LEPR: variants seen among roughly 807,000 people sequenced by gnomAD.
The protein encoded by LEPR is leptin receptor.
Under a neutral mutation model 114.7 loss-of-function variants are expected in LEPR, and 56 were observed. The ratio of observed to expected loss-of-function variants is 0.49; its 90% CI spans 0.39 to 0.61. The LOEUF is 0.61. LEPR is among the 20% of genes least tolerant of loss of function. The pLI is 0.00. For synonymous variants in LEPR, 443 were observed against 461.4 expected, an observed-to-expected ratio of 0.96 and a Z score of 0.51; for missense variants, 1,202 against 1,352.9, an observed-to-expected ratio of 0.89 and a Z score of 1.75.
intron 2 of LEPR, among the ~76,000 whole-genome samples, chr1:65,554,774 G>T (rs1652694088): frequency 6.6e-6 from 1 of 152,026 alleles, no homozygotes; most frequent in Non-Finnish European, 1.5e-5. Flanking sequence ...AAAAACTCCT[G>T]CAACTAGTTT....
At chr1:65,518,707 G>A (rs1383264845) in intron 2 of LEPR, among the ~76,000 whole-genome samples, 4 of 152,064 alleles carry the variant, frequency 2.6e-5, no homozygotes. Context: ...TACAAATTCT[G>A]CTTTCCACAT....
At chr1:65,585,438 T>C (rs1258538072) in intron 5 of LEPR, among the ~76,000 whole-genome samples, 1 of 152,038 alleles carries the variant, frequency 6.6e-6, no homozygotes, top group Non-Finnish European at 1.5e-5. Context: ...GAGGACAGAA[T>C]GTGCTTTCTT....
intron 2 of LEPR, among the ~76,000 whole-genome samples, chr1:65,518,899 T>TTCTTTCTTTCTTTCTTTCTTTC (rs1649450946): frequency 4.0e-5 from 4 of 98,982 alleles, no homozygotes; most frequent in African/African-American, 1.5e-4. Context: ...CTTTCTTTCT[T>TTCTTTCTTTCTTTCTTTCTTTC]TCTTTCTTTC....
At chr1:65,453,560 G>A (rs1390286505) in intron 2 of LEPR, among the ~76,000 whole-genome samples, 1 of 152,106 alleles carries the variant, frequency 6.6e-6, no homozygotes, top group Non-Finnish European at 1.5e-5. Context: ...TCAGGAGCAG[G>A]TTGTTCAGTT....
intron 2 of LEPR, among the ~76,000 whole-genome samples, chr1:65,476,397 G>T (rs1171591154): frequency 6.6e-6 from 1 of 152,050 alleles, no homozygotes; most frequent in Non-Finnish European, 1.5e-5. Context: ...TAAGTGCTGG[G>T]ATAAAGCAGT....
chr1:65,625,537 T>C (rs1412041168), intron 19 of LEPR, among the ~76,000 whole-genome samples: 1 of 152,186 alleles, frequency 6.6e-6, no homozygotes, highest in Non-Finnish European at 1.5e-5. Flanking sequence ...TTTTGTTACA[T>C]GTATATAACA....
intron 2 of LEPR, among the ~76,000 whole-genome samples, chr1:65,552,033 T>C (rs1652417016): frequency 6.6e-6 from 1 of 152,226 alleles, no homozygotes; most frequent in Non-Finnish European, 1.5e-5. Flanking sequence ...AGTTTCTTAA[T>C]CCTCAGTTAT....
At chr1:65,558,537 T>TGAATCAGAA (rs1653025867) in intron 2 of LEPR, among the ~76,000 whole-genome samples, 8 of 24,848 alleles carry the variant, frequency 3.2e-4, no homozygotes, top group South Asian at 1.6e-3. Context: ...TTTTTTTTTT[T>TGAATCAGAA]GTTTTTTTTT....
chr1:65,481,107 T>C (rs1287683953), intron 2 of LEPR, among the ~76,000 whole-genome samples: 1 of 152,214 alleles, frequency 6.6e-6, no homozygotes, highest in Non-Finnish European at 1.5e-5. Flanking sequence ...ACTGCCTTCC[T>C]ACTGTATCCT....
chr1:65,595,770 C>T (rs1394160868), intron 6 of LEPR, among the ~76,000 whole-genome samples: 3 of 152,012 alleles, frequency 2.0e-5, no homozygotes, highest in East Asian at 1.9e-4. Context: ...GAAAATGCAT[C>T]GATTTTCTAT....
At chr1:65,426,013 G>C (rs187169522) in intron 2 of LEPR, among the ~76,000 whole-genome samples, 6 of 152,182 alleles carry the variant, frequency 3.9e-5, no homozygotes, top group African/African-American at 1.4e-4. Flanking sequence ...GTGTTTCAGT[G>C]GGGGAGACGG....
intron 19 of LEPR, chr1:65,634,631 A>G: frequency 1.0e-6 from 1 of 973,456 alleles, no homozygotes. Context: ...ACTGAGTATG[A>G]CATTTTAGCA....
At chr1:65,466,910 C>T (rs1214130873) in intron 2 of LEPR, among the ~76,000 whole-genome samples, 3 of 152,126 alleles carry the variant, frequency 2.0e-5, no homozygotes, top group Non-Finnish European at 4.4e-5. Flanking sequence ...ATTGTTTATT[C>T]TAGTTAGCCA....
intron 2 of LEPR, among the ~76,000 whole-genome samples, chr1:65,547,290 T>A (rs947914876): frequency 6.6e-6 from 1 of 152,176 alleles, no homozygotes; most frequent in Non-Finnish European, 1.5e-5. Flanking sequence ...TGTCTCTGCC[T>A]GGCTTTGGTA....
At chr1:65,515,109 G>T (rs555952746) in intron 2 of LEPR, among the ~76,000 whole-genome samples, 1 of 152,280 alleles carries the variant, frequency 6.6e-6, no homozygotes, top group East Asian at 1.9e-4. Flanking sequence ...TGATGGTGGT[G>T]GGTGATGGTT....
chr1:65,525,865 C>A (rs925246137), intron 2 of LEPR: 2 of 978,452 alleles, frequency 2.0e-6, no homozygotes, highest in Non-Finnish European at 2.4e-6. Flanking sequence ...CACCTCTTCC[C>A]GCTCTGGGTA....
rs1447505829 is a variant in LEPR, at chr1:65,591,796, A to G, written c.495-861A>G. Reference sequence around the variant, plus strand: ...TCTTTGCCTTCTAAATGGGATGTTAAGGCTGTTTGCATTTAGTGTGAAAAT... The same window carrying G: ...TCTTTGCCTTCTAAATGGGATGTTAGGGCTGTTTGCATTTAGTGTGAAAAT... On this transcript the variant is annotated intron_variant, in intron 5 of 19. Transcript: ENST00000349533. Among the ~76,000 whole-genome samples, 3 of 151,932 alleles carry G rather than the reference A, an allele frequency of 2.0e-5. No homozygotes were observed. The East Asian group carries it at 5.8e-4, about 29-fold the overall frequency.
intron 2 of LEPR, among the ~76,000 whole-genome samples, chr1:65,426,353 G>A (rs1284475111): frequency 6.6e-6 from 1 of 152,102 alleles, no homozygotes; most frequent in African/African-American, 2.4e-5. Flanking sequence ...AGCACTTAGG[G>A]CTCTATATGC....
At chr1:65,501,455 C>T (rs1648448061) in intron 2 of LEPR, among the ~76,000 whole-genome samples, 1 of 151,122 alleles carries the variant, frequency 6.6e-6, no homozygotes, top group Admixed American at 6.6e-5. Flanking sequence ...AGGAGGAAAA[C>T]CTTGTGTCTG....
Sources: gnomAD v4.1 joint callset for allele counts (sites outside exome capture counted in the v4.1 genomes callset) on GRCh38, gnomAD v4.1.1 for gene constraint, MANE v1.5 for transcripts, NCBI Gene and HGNC (gene_info 2026-07-23, HGNC 2026-07-21) for gene names.